The following ARHGAP18 variants were observed in gnomAD, a reference collection of about 807,000 sequenced individuals.
ARHGAP18 encodes rho GTPase-activating protein 18.
A neutral mutation model predicts 86.2 loss-of-function variants in ARHGAP18; 67 were observed. That is an observed-to-expected ratio of 0.78 (90% confidence interval 0.64 to 0.95). The LOEUF is 0.95. ARHGAP18 is among the 40% of genes least tolerant of loss of function. The pLI, the probability that ARHGAP18 is intolerant of heterozygous loss-of-function variation, is 0.00. For missense variants in ARHGAP18, 691 were observed against 780.4 expected, an observed-to-expected ratio of 0.89 and a Z score of 1.37; for synonymous variants, 283 against 280.4, an observed-to-expected ratio of 1.01 and a Z score of -0.09.
At chr6:129,673,956 TACATACACACAC>T (rs1450432042) in intron 1 of ARHGAP18, among the ~76,000 whole-genome samples, 2 of 152,130 alleles carry the variant, frequency 1.3e-5, no homozygotes, top group Non-Finnish European at 2.9e-5. Context: ...CACAGAGTAA[TACATACACACAC>T]ACATACACAC....
intron 12 of ARHGAP18, among the ~76,000 whole-genome samples, chr6:129,590,598 G>A (rs1788489249): frequency 6.6e-6 from 1 of 152,162 alleles, no homozygotes; most frequent in South Asian, 2.1e-4. Context: ...AGAGGATGAG[G>A]TTAAGCCACC....
At chr6:129,658,368 G>T (rs1773882017) in intron 1 of ARHGAP18, among the ~76,000 whole-genome samples, 2 of 150,430 alleles carry the variant, frequency 1.3e-5, no homozygotes, top group African/African-American at 4.9e-5. Flanking sequence ...CACTGGAAAA[G>T]AATTTTATGA....
chr6:129,614,475 A>G (rs1403150712), intron 7 of ARHGAP18, among the ~76,000 whole-genome samples: 1 of 152,238 alleles, frequency 6.6e-6, no homozygotes, highest in Non-Finnish European at 1.5e-5. Context: ...TAGATAAGAC[A>G]GCCAGAGTCT....
intron 1 of ARHGAP18, among the ~76,000 whole-genome samples, chr6:129,679,074 T>TTGTC (rs1422039095): frequency 2.0e-5 from 3 of 152,218 alleles, no homozygotes; most frequent in Non-Finnish European, 4.4e-5. Context: ...TGAATATCAA[T>TTGTC]TGTCTCTATA....
chr6:129,614,748 ATTTTTT>A (rs10556070), intron 7 of ARHGAP18, among the ~76,000 whole-genome samples: 3 of 131,562 alleles, frequency 2.3e-5, no homozygotes, highest in East Asian at 2.2e-4. Context: ...GCAGTGACAG[ATTTTTT>A]TTTTTTTTTT....
At chr6:129,683,069 GTTTTTT>G (rs1164484668) in intron 1 of ARHGAP18, among the ~76,000 whole-genome samples, 11 of 112,134 alleles carry the variant, frequency 9.8e-5, no homozygotes, top group Non-Finnish European at 1.6e-4. Context: ...TTTTTTTTTT[GTTTTTT>G]TTTTTGTTTT....
chr6:129,630,282 A>G (rs1773172471), intron 4 of ARHGAP18, among the ~76,000 whole-genome samples: 1 of 152,176 alleles, frequency 6.6e-6, no homozygotes, highest in Non-Finnish European at 1.5e-5. Context: ...ACATTTAAAA[A>G]TCTCTTTGCT....
chr6:129,659,662 G>C (rs1461648632), intron 1 of ARHGAP18, among the ~76,000 whole-genome samples: 1 of 152,126 alleles, frequency 6.6e-6, no homozygotes, highest in African/African-American at 2.4e-5. Context: ...AGTAGAGATG[G>C]GGTTTCGGCA....
At chr6:129,592,977 T>A (rs1354102341) in intron 12 of ARHGAP18, among the ~76,000 whole-genome samples, 1 of 152,156 alleles carries the variant, frequency 6.6e-6, no homozygotes, top group Non-Finnish European at 1.5e-5. Context: ...TCTACTCGTA[T>A]GTGTTTAAAA....
intron 1 of ARHGAP18, among the ~76,000 whole-genome samples, chr6:129,670,675 T>G (rs1460873522): frequency 2.7e-5 from 4 of 149,536 alleles, no homozygotes; most frequent in Non-Finnish European, 4.4e-5. Context: ...CAAAAGTATG[T>G]GAAGTCGTAA....
At chr6:129,581,104 G>A (rs1388375967) in intron 13 of ARHGAP18, among the ~76,000 whole-genome samples, 1 of 152,204 alleles carries the variant, frequency 6.6e-6, no homozygotes, top group East Asian at 1.9e-4. Flanking sequence ...TCTGAAGCAT[G>A]GCAAGGTTAG....
chr6:129,696,471 A>G (rs1037055388), intron 1 of ARHGAP18, among the ~76,000 whole-genome samples: 2 of 152,266 alleles, frequency 1.3e-5, no homozygotes, highest in African/African-American at 4.8e-5. Flanking sequence ...TTGAGAATCA[A>G]GCATAATTTT....
intron 1 of ARHGAP18, among the ~76,000 whole-genome samples, chr6:129,646,251 C>T (rs1194076831): frequency 6.6e-6 from 1 of 152,192 alleles, no homozygotes. Context: ...CTACTCCTCA[C>T]TTTTCCTATC....
rs143335644 is a variant in ARHGAP18, at chr6:129,639,630, T to C, written c.317-1001A>G. 6.3e-3 allele frequency among the ~76,000 whole-genome samples: 963 copies of C among 152,356 alleles called. 13 individuals are homozygous for C. Among genetic ancestry groups the C allele is most frequent in the African/African-American group, 0.022 (905 of 41,574 alleles). On this transcript the variant is annotated intron_variant, in intron 2 of 14. Transcript: ENST00000368149. The stretch of plus-strand genomic sequence containing the variant: ...ACCTAGTCCTACCTGTCTGTCTTTC[T>C]ATACTATATAAACTTCTTGACGGCA...
chr6:129,588,826 G>A lies in ARHGAP18; in HGVS notation c.1714-4714C>T, dbSNP rs143320661. ...TCTATACATCCTCTAAAATCTAGGCGGAGGTTCCCAAACCTCAATTCTTGA... is the reference window on the plus strand; with the variant it reads ...TCTATACATCCTCTAAAATCTAGGCAGAGGTTCCCAAACCTCAATTCTTGA... On this transcript the variant is annotated intron_variant, in intron 12 of 14. Transcript: ENST00000368149. 9.4e-3 allele frequency among the ~76,000 whole-genome samples: 1,425 copies of A among 152,310 alleles called. 25 individuals are homozygous for A. Among genetic ancestry groups the A allele is most frequent in the African/African-American group, 0.033 (1,370 of 41,566 alleles).
In ARHGAP18 at chr6:129,634,124, C is replaced by A. The variant is rs545890913; in HGVS notation, c.553-19G>T. ...CTGGAGCCTAAACATAGAAAACAGG[C>A]CATTTAGTCATCTCCAACTCAAAAC... On this transcript the variant is annotated intron_variant, in intron 3 of 14. Coordinates refer to ENST00000368149, the MANE Select transcript of ARHGAP18 (RefSeq NM_033515.3). The A allele has an allele frequency of 6.2e-7, 1 of 1,610,196 alleles. No homozygotes were observed. Among genetic ancestry groups the A allele is most frequent in the East Asian group, 2.2e-5 (1 of 44,820 alleles).
intron 1 of ARHGAP18, among the ~76,000 whole-genome samples, chr6:129,659,141 T>C (rs1251990649): frequency 6.6e-6 from 1 of 152,212 alleles, no homozygotes; most frequent in East Asian, 1.9e-4. Context: ...CTGCACATAA[T>C]TTGCACTTCC....
At chr6:129,582,841 G>A (rs1013124132) in intron 13 of ARHGAP18, among the ~76,000 whole-genome samples, 9 of 152,160 alleles carry the variant, frequency 5.9e-5, no homozygotes, top group Non-Finnish European at 7.4e-5. Flanking sequence ...TGAAGCAGAC[G>A]TAATAATAGC....
chr6:129,592,260 A>AG (rs1191735878), intron 12 of ARHGAP18, among the ~76,000 whole-genome samples: 4 of 152,354 alleles, frequency 2.6e-5, no homozygotes, highest in African/African-American at 9.6e-5. Flanking sequence ...TTGAAACAAT[A>AG]CCTGCAACAA....
Sources: allele counts gnomAD v4.1 joint callset (sites outside exome capture counted in the v4.1 genomes callset), GRCh38; gene constraint gnomAD v4.1.1; transcripts MANE v1.5; gene names NCBI Gene and HGNC (gene_info 2026-07-23, HGNC 2026-07-21).